CGGBP1: variants seen among roughly 807,000 people sequenced by gnomAD.
CGGBP1 encodes CGG triplet repeat-binding protein 1.
Under a neutral mutation model 11.4 loss-of-function variants are expected in CGGBP1, and 4 were observed. That is an observed-to-expected ratio of 0.35 (90% CI 0.17 to 0.80). The LOEUF is 0.80. Ranked by LOEUF, CGGBP1 falls within the 30% of genes least tolerant of loss-of-function variation. The probability of loss-of-function intolerance (pLI) is 0.52; values close to 1 mark genes in which losing one functional copy is unlikely to be tolerated. For missense variants in CGGBP1, 135 were observed against 202.1 expected (o/e 0.67, Z 2.01); for synonymous variants, 76 against 74.1 (o/e 1.03, Z -0.13).
At chr3:88,142,574 AG>A (rs143826055) in intron 1 of CGGBP1, 9,177 of 152,388 alleles carry the variant, frequency 0.06, 801 homozygotes, top group African/African-American at 0.19. Context: ...GATGATTCAT[AG>A]TAAGGTCCTT....
intron 2 of CGGBP1, among the ~76,000 whole-genome samples, chr3:88,071,245 C>T (rs968271545): frequency 6.6e-6 from 1 of 152,084 alleles, no homozygotes; most frequent in African/African-American, 2.4e-5. Flanking sequence ...AGTGGTGGCT[C>T]GCGGCTGTAA....
chr3:88,055,753 T>C lies in CGGBP1; in HGVS notation c.224A>G (p.Glu75Gly). The C allele has an allele frequency of 6.2e-7, 1 of 1,614,204 alleles. No homozygotes were observed. Among genetic ancestry groups the C allele is most frequent in the South Asian group, 1.1e-5 (1 of 91,076 alleles). ...CTGCTTCTTTCTCACATTCTGCTCT[T>C]CAAATTCTGCCTTCCTCTTGGTATG... ...KTHTKRKAEF[E>G]EQNVRKKQRP... Residue 75 changes from glutamate to glycine, a missense_variant, in exon 4 of 4, where the codon GAA (glutamate) becomes GGA (glycine). Physicochemically the swap from Glu to Gly is moderately conservative, Grantham distance 98. Coordinates refer to ENST00000482016, the MANE Select transcript of CGGBP1 (RefSeq NM_001008390.2). This position sits in a 1 kb window ranked among gnomAD's most constrained non-coding sequence, Gnocchi z 4.2.
At chr3:88,084,901 C>T (rs1200333241) in intron 2 of CGGBP1, among the ~76,000 whole-genome samples, 1 of 152,130 alleles carries the variant, frequency 6.6e-6, no homozygotes, top group African/African-American at 2.4e-5. Flanking sequence ...GTTTAAGGAA[C>T]GCTAATCTTT....
intron 2 of CGGBP1, among the ~76,000 whole-genome samples, chr3:88,115,441 G>A (rs1705332308): frequency 1.3e-5 from 2 of 152,184 alleles, no homozygotes; most frequent in Admixed American, 6.5e-5. Flanking sequence ...TGAGTAAAGT[G>A]CTTGGCATAA....
chr3:88,134,913 G>T (rs1337450655), intron 2 of CGGBP1: 5 of 445,100 alleles, frequency 1.1e-5, no homozygotes, highest in African/African-American at 8.1e-5. Flanking sequence ...TCTCATATAG[G>T]TAGAAGAAGT....
intron 2 of CGGBP1, chr3:88,140,539 A>G (rs1165546714): frequency 1.9e-6 from 3 of 1,613,790 alleles, no homozygotes; most frequent in Non-Finnish European, 2.5e-6. Flanking sequence ...AGCTTGATAG[A>G]CCAAAAGATG....
In CGGBP1 at chr3:88,112,630, A is replaced by G. The variant is rs1483303958; in HGVS notation, c.-229+28340T>C. Among the ~76,000 whole-genome samples the G allele has an allele frequency of 3.9e-5, 6 of 152,052 alleles. No individual in the cohort carries two copies. In the South Asian group the frequency reaches 6.2e-4, roughly 16 times the overall value. On this transcript the variant is annotated intron_variant, in intron 2 of 3. Coordinates refer to the CGGBP1 transcript ENST00000462901. ...TTAGATATGGTTGTTAGTATATGCT[A>G]TAATATAAATGTTGGCCGAGAGTTT...
chr3:88,135,310 G>A (rs1706708700), intron 2 of CGGBP1: 3 of 928,398 alleles, frequency 3.2e-6, no homozygotes, highest in Non-Finnish European at 4.4e-6. Context: ...AGGAAAGGAG[G>A]ATTTTAAGGC....
At chr3:88,068,124 T>G (rs919670383) in intron 2 of CGGBP1, among the ~76,000 whole-genome samples, 1 of 151,978 alleles carries the variant, frequency 6.6e-6, no homozygotes, top group African/African-American at 2.4e-5. Context: ...TGGTAGCTGA[T>G]TAGAGAGGTA....
intron 2 of CGGBP1, among the ~76,000 whole-genome samples, chr3:88,069,440 TCTCAA>T (rs1707384225): frequency 6.6e-6 from 1 of 152,034 alleles, no homozygotes; most frequent in Non-Finnish European, 1.5e-5. Context: ...AGAAAGTGAT[TCTCAA>T]CTCTTAGTCC....
chr3:88,141,064 T>G, exon 2 of CGGBP1: 1 of 1,568,744 alleles, frequency 6.4e-7, no homozygotes, highest in East Asian at 2.2e-5. Context: ...TCTTCTGTCT[T>G]CTTAGTAGAG....
intron 2 of CGGBP1, among the ~76,000 whole-genome samples, chr3:88,131,049 G>A (rs556225397): frequency 6.6e-6 from 1 of 152,218 alleles, no homozygotes; most frequent in South Asian, 2.1e-4. Flanking sequence ...CAGTTTCCTT[G>A]TGTGAATATT....
chr3:88,081,834 A>C (rs978073873), intron 2 of CGGBP1, among the ~76,000 whole-genome samples: 7 of 152,194 alleles, frequency 4.6e-5, no homozygotes, highest in African/African-American at 1.7e-4. Flanking sequence ...TTGGGCACTA[A>C]GTGTGTTTAC....
intron 2 of CGGBP1, among the ~76,000 whole-genome samples, chr3:88,117,447 C>G (rs988396384): frequency 6.6e-6 from 1 of 151,736 alleles, no homozygotes; most frequent in Non-Finnish European, 1.5e-5. Flanking sequence ...AGTTGTCAAG[C>G]CCTATAGTTT....
chr3:88,110,319 G>GTCTGCC (rs1705011562), intron 2 of CGGBP1, among the ~76,000 whole-genome samples: 1 of 152,090 alleles, frequency 6.6e-6, no homozygotes, highest in East Asian at 1.9e-4. Context: ...ATTATAGGCT[G>GTCTGCC]TCTGCCTATA....
intron 2 of CGGBP1, among the ~76,000 whole-genome samples, chr3:88,081,045 C>T (rs1708050617): frequency 6.6e-6 from 1 of 152,076 alleles, no homozygotes; most frequent in Non-Finnish European, 1.5e-5. Flanking sequence ...CTCAGCCTTT[C>T]CTTGTCTTTG....
At chr3:88,071,637 A>AAAAC (rs10624681) in intron 2 of CGGBP1, among the ~76,000 whole-genome samples, 141,640 of 150,760 alleles carry the variant, frequency 0.94, 67,086 homozygotes, top group Non-Finnish European at 1. Flanking sequence ...CTCCATCTCA[A>AAAAC]AAACAAACAA....
upstream of CGGBP1, among the ~76,000 whole-genome samples, chr3:88,060,095 G>A (rs1235820513): frequency 2.6e-5 from 4 of 152,128 alleles, no homozygotes; most frequent in African/African-American, 7.2e-5. Flanking sequence ...CGGACAGAGA[G>A]TGCGTTAAGG....
At chr3:88,116,788 C>T (rs1375551964) in intron 2 of CGGBP1, among the ~76,000 whole-genome samples, 1 of 152,070 alleles carries the variant, frequency 6.6e-6, no homozygotes, top group African/African-American at 2.4e-5. Flanking sequence ...TTTACTCTCT[C>T]ATAGGCCATG....
Sources: gnomAD v4.1 joint callset for allele counts (sites outside exome capture counted in the v4.1 genomes callset) on GRCh38, gnomAD v4.1.1 for gene constraint, Gnocchi (gnomAD v3.1) non-coding constraint, MANE v1.5 for transcripts, NCBI Gene and HGNC (gene_info 2026-07-23, HGNC 2026-07-21) for gene names.